The following CACNA1H variants were observed in gnomAD, a reference collection of about 807,000 sequenced individuals.
The protein encoded by CACNA1H is calcium voltage-gated channel subunit alpha1 H, also known as voltage-dependent T-type calcium channel subunit alpha-1H.
CACNA1H carries 149 observed loss-of-function variants against 192.5 expected under a neutral mutation model. The ratio of observed to expected loss-of-function variants is 0.77; its 90% CI spans 0.68 to 0.89. CACNA1H has a LOEUF of 0.89. CACNA1H is among the 40% of genes least tolerant of loss of function. The pLI is 0.00. For missense variants in CACNA1H, 4,257 were observed against 3,423.5 expected, an observed-to-expected ratio of 1.24 and a Z score of -6.08; for synonymous variants, 2,202 against 1,475.2, an observed-to-expected ratio of 1.49 and a Z score of -11.29.
At chr16:1,198,946 C>A (rs1386892938) in intron 6 of CACNA1H, 172 bp downstream of exon 6, 5 of 624,724 alleles carry the variant, frequency 8.0e-6, no homozygotes, top group African/African-American at 1.9e-5. Context: ...CCCGCCCCCA[C>A]CCCCCATCAT....
In CACNA1H at chr16:1,220,879, A is replaced by T. The variant is rs762770644; in HGVS notation, c.6947A>T (p.Asp2316Val). ...PESEPPMPVG[D>V]PPEKRRGLYL... ...TCAGAGCCTCCCATGCCCGTCGGTG[A>T]CCCCCCAGAGAAGAGGCGGGGGCTG... Residue 2316 changes from aspartate to valine, a missense_variant, in exon 35 of 35, where the codon GAC (aspartate) becomes GTC (valine). Asp to Val is a radical substitution (Grantham distance 152). Coordinates refer to ENST00000348261, the MANE Select transcript of CACNA1H (RefSeq NM_021098.3). 6.2e-7 allele frequency: 1 copy of T among 1,612,122 alleles called. No individual in the cohort carries two copies. Among genetic ancestry groups the T allele is most frequent in the Non-Finnish European group, 8.5e-7 (1 of 1,179,630 alleles).
intron 2 of CACNA1H, among the ~76,000 whole-genome samples, chr16:1,179,239 G>A (rs1299202273): frequency 2.6e-5 from 4 of 152,132 alleles, no homozygotes; most frequent in East Asian, 1.9e-4. Flanking sequence ...GGTGTGTGGC[G>A]GCCCTGTGGG....
chr16:1,185,705 G>GCGT (rs1965955669), intron 2 of CACNA1H, among the ~76,000 whole-genome samples: 1 of 8,098 alleles, frequency 1.2e-4, no homozygotes, highest in Non-Finnish European at 2.4e-4. Context: ...GTAGACGGTC[G>GCGT]GCGTGCGTAG....
At chr16:1,198,570 T>C (rs1432076514) in intron 5 of CACNA1H, 45 bp from the exon 6 acceptor site, 4 of 1,604,718 alleles carry the variant, frequency 2.5e-6, no homozygotes, top group Admixed American at 1.7e-5. Context: ...CCGAGGACAC[T>C]CCTGCAGGGC....
chr16:1,182,971 C>T (rs1450343746), intron 2 of CACNA1H, among the ~76,000 whole-genome samples: 1 of 152,082 alleles, frequency 6.6e-6, no homozygotes, highest in African/African-American at 2.4e-5. Context: ...GGCAAGCCCA[C>T]CTGTCCCATC....
chr16:1,221,082 C>T lies in CACNA1H; in HGVS notation c.*88C>T, dbSNP rs1281665738. Reference sequence around the variant, plus strand: ...GCCCAGGCAGAACCCTGCATGGACCCTGACTTGGGTCCCGTCGTGAGCAGA... The same window carrying T: ...GCCCAGGCAGAACCCTGCATGGACCTTGACTTGGGTCCCGTCGTGAGCAGA... On this transcript the variant is annotated 3_prime_UTR_variant, in exon 35 of 35. Coordinates refer to ENST00000348261, the MANE Select transcript of CACNA1H (RefSeq NM_021098.3). The T allele has an allele frequency of 1.9e-6, 2 of 1,030,830 alleles. No individual in the cohort carries two copies. Among genetic ancestry groups the T allele is most frequent in the South Asian group, 1.7e-5 (1 of 58,782 alleles). 63.9% of individuals were successfully genotyped at this position (1,030,830 alleles called of 1,614,324 possible).
At chr16:1,179,324 C>T (rs1040100821) in intron 2 of CACNA1H, among the ~76,000 whole-genome samples, 3 of 152,098 alleles carry the variant, frequency 2.0e-5, no homozygotes, top group Admixed American at 6.5e-5. Flanking sequence ...CTGTGGTGGA[C>T]GGAAACCCTG....
At chr16:1,195,859 C>T in intron 4 of CACNA1H, 67 bp from the exon 5 acceptor site, 1 of 1,261,906 alleles carries the variant, frequency 7.9e-7, no homozygotes, top group Non-Finnish European at 1.2e-6. Flanking sequence ...CCCTACTTTG[C>T]ACCCCAGCCC....
intron 21 of CACNA1H, 51 bp downstream of exon 21, chr16:1,211,022 G>A (rs1469500922): frequency 1.3e-6 from 2 of 1,571,030 alleles, no homozygotes; most frequent in South Asian, 1.1e-5. Context: ...ACAGTCCCCT[G>A]ACGCCACTGC....
Position 1,200,394 on chromosome 16 carries a change from C to T in CACNA1H, c.942C>T (p.Pro314=). The stretch of plus-strand genomic sequence containing the variant: ...CCGGCCGCCGCGAGCTGCGCATGCC[C>T]TGCACCCTGGGCTGGGAGGCCTACA... ...HIPGRRELRM[P]CTLGWEAYTQ... is the part of the protein sequence containing the mutation. Residue 314 remains proline, a synonymous_variant, in exon 7 of 35, where the codon CCC becomes CCT. Transcript: ENST00000348261. 1.2e-6 allele frequency: 2 copies of T among 1,607,322 alleles called. No individual in the cohort carries two copies. The highest frequency in any genetic ancestry group is 1.7e-6 in the Non-Finnish European group (2 of 1,178,184).
intron 2 of CACNA1H, among the ~76,000 whole-genome samples, chr16:1,191,119 C>G (rs1966576535): frequency 9.2e-6 from 1 of 108,110 alleles, no homozygotes. Flanking sequence ...GCTGTGTGGC[C>G]TCAGGCACAC....
At chr16:1,163,153 C>T (rs1039729828) in intron 2 of CACNA1H, among the ~76,000 whole-genome samples, 6 of 152,216 alleles carry the variant, frequency 3.9e-5, no homozygotes, top group African/African-American at 1.2e-4. Flanking sequence ...CCTGGGGAGC[C>T]GATCCTGGGT....
At chr16:1,196,677 G>T (rs1163053250) in intron 5 of CACNA1H, among the ~76,000 whole-genome samples, 1 of 152,332 alleles carries the variant, frequency 6.6e-6, no homozygotes, top group South Asian at 2.1e-4. Flanking sequence ...GTGAGGAGGG[G>T]GCCTGGTGGA....
chr16:1,179,099 C>T (rs1965207448), intron 2 of CACNA1H, among the ~76,000 whole-genome samples: 1 of 152,208 alleles, frequency 6.6e-6, no homozygotes, highest in African/African-American at 2.4e-5. Flanking sequence ...GCCCTCCCTG[C>T]ACACTGTTAC....
In CACNA1H at chr16:1,194,994, C is replaced by G. The variant is rs746135723; in HGVS notation, c.322C>G (p.Leu108Val). 2.5e-5 allele frequency: 41 copies of G among 1,611,436 alleles called. No individual in the cohort carries two copies. The highest frequency in any genetic ancestry group is 3.5e-5 in the Non-Finnish European group (41 of 1,178,832). ...CACATGGTTCGAGCACGTGAGCATG[C>G]TGGTAATCATGCTCAACTGCGTGAC... ...CNPWFEHVSM[L>V]VIMLNCVTLG... Residue 108 changes from leucine (L) to valine (V), a missense_variant, in exon 3 of 35, where the codon CTG becomes GTG. By Grantham distance (32) the Leu-to-Val change is conservative. Transcript: ENST00000348261.
chr16:1,195,127 C>A, intron 3 of CACNA1H, 44 bp downstream of exon 3: 2 of 521,312 alleles, frequency 3.8e-6, no homozygotes, highest in South Asian at 2.2e-5. Context: ...TGGGTCGCTA[C>A]GAGGTTTATG....
At chr16:1,204,502 G>T (rs1968410961) in intron 10 of CACNA1H, 44 bp downstream of exon 10, 1 of 1,460,464 alleles carries the variant, frequency 6.8e-7, no homozygotes, top group East Asian at 2.3e-5. Flanking sequence ...TGTCAGGCTT[G>T]CAGGGCCTGG....
chr16:1,188,386 G>A (rs1966271022), intron 2 of CACNA1H, among the ~76,000 whole-genome samples: 2 of 152,172 alleles, frequency 1.3e-5, no homozygotes, highest in Non-Finnish European at 1.5e-5. Flanking sequence ...GGGTCCCACA[G>A]CACCTCAGGG....
Position 1,205,132 on chromosome 16 carries a change from G to T in CACNA1H, c.2470G>T (p.Ala824Ser), listed in dbSNP as rs762216034. The T allele has an allele frequency of 5.0e-6, 8 of 1,612,394 alleles. No individual in the cohort carries two copies. Among genetic ancestry groups the T allele is most frequent in the Non-Finnish European group, 6.8e-6 (8 of 1,179,752 alleles). The change falls in exon 11 of 35, where the codon GCT (alanine) becomes TCT (serine). Residue 824 changes from alanine to serine, a missense_variant. Transcript: ENST00000348261. The part of the protein sequence containing the change: ...YHEQPEELTN[A>S]LEISNIVFTS... ...CCTGCAGCCCGAGGAGCTGACTAAT[G>T]CTCTGGAGATCAGCAACATCGTGTT...
Sources: gnomAD v4.1 joint callset for allele counts (sites outside exome capture counted in the v4.1 genomes callset) on GRCh38, gnomAD v4.1.1 for gene constraint, MANE v1.5 for transcripts, NCBI Gene and HGNC (gene_info 2026-07-23, HGNC 2026-07-21) for gene names.